Variants in SYT16 observed in about 807,000 individuals in gnomAD.
SYT16 encodes the protein synaptotagmin-16.
A neutral mutation model predicts 61.4 loss-of-function variants in SYT16; 42 were observed. The observed-to-expected ratio is 0.68, with a 90% CI of 0.53 to 0.89. The LOEUF (loss-of-function observed/expected upper bound fraction) is 0.89. SYT16 is among the 40% of genes least tolerant of loss of function. The pLI is 0.00. For synonymous variants in SYT16, 314 were observed against 302.3 expected (o/e 1.04, Z -0.40); for missense variants, 804 against 807.3 (o/e 1.00, Z 0.05).
chr14:62,083,677 TA>T (rs2056787207), intron 6 of SYT16, among the ~76,000 whole-genome samples: 1 of 152,204 alleles, frequency 6.6e-6, no homozygotes, highest in African/African-American at 2.4e-5. Flanking sequence ...TTAACAACCT[TA>T]AGCAGAACTA....
Position 62,084,297 on chromosome 14 carries a change from G to T in SYT16, c.1536G>T (p.Gly512=), listed in dbSNP as rs199778933. ...GAGGGGCGCCAGAGCTGTTGGTGGG[G>T]CTCTCGTACAATGCCACAACGGGGC... ...SHGGAPELLV[G]LSYNATTGRL... The change falls in exon 7 of 8, where the codon GGG becomes GGT. Residue 512 remains glycine (G), a synonymous_variant. Coordinates refer to ENST00000683842, the MANE Select transcript of SYT16 (RefSeq NM_001367656.1). The T allele has an allele frequency of 3.2e-4, 510 of 1,613,582 alleles. 7 individuals carry two copies. The Admixed American group carries it at 8.2e-3, about 26-fold the overall frequency.
chr14:61,915,964 A>G (rs1344042139), intron 1 of SYT16, among the ~76,000 whole-genome samples: 1 of 152,210 alleles, frequency 6.6e-6, no homozygotes, highest in Non-Finnish European at 1.5e-5. Context: ...AATTCAACCT[A>G]CATCTTGGAG....
chr14:62,091,270 G>A (rs1474178634), intron 7 of SYT16, among the ~76,000 whole-genome samples: 1 of 152,032 alleles, frequency 6.6e-6, no homozygotes, highest in Non-Finnish European at 1.5e-5. Context: ...CTGAGTGAAG[G>A]AAAAATAAAG....
At chr14:61,828,627 G>A (rs752068011) in intron 1 of SYT16, among the ~76,000 whole-genome samples, 1 of 152,206 alleles carries the variant, frequency 6.6e-6, no homozygotes, top group Non-Finnish European at 1.5e-5. Context: ...GGATCTGAAA[G>A]TGTGGTGCAG....
At chr14:62,100,329 C>A in intron 7 of SYT16, 65 bp from the exon 8 acceptor site, 1 of 1,384,428 alleles carries the variant, frequency 7.2e-7, no homozygotes, top group Non-Finnish European at 9.7e-7. Context: ...TACAGCTAGT[C>A]TAGCCAAACA....
intron 3 of SYT16, among the ~76,000 whole-genome samples, chr14:62,007,645 C>A (rs2053276677): frequency 6.6e-6 from 1 of 152,186 alleles, no homozygotes; most frequent in Middle Eastern, 3.4e-3. Flanking sequence ...CCTATGTGGA[C>A]AGAAGTTAGA....
At chr14:61,828,659 A>G (rs72716751) in intron 1 of SYT16, among the ~76,000 whole-genome samples, 18,457 of 152,232 alleles carry the variant, frequency 0.12, 1,143 homozygotes, top group African/African-American at 0.14. Flanking sequence ...ATGGAAAAGA[A>G]GAAAAACACA....
At chr14:61,887,652 T>C (rs2047960954) in intron 1 of SYT16, among the ~76,000 whole-genome samples, 1 of 152,258 alleles carries the variant, frequency 6.6e-6, no homozygotes, top group South Asian at 2.1e-4. Flanking sequence ...TTTTATATTA[T>C]GGAGATGGCT....
At chr14:61,845,619 G>C (rs2046424657) in intron 1 of SYT16, among the ~76,000 whole-genome samples, 1 of 151,814 alleles carries the variant, frequency 6.6e-6, no homozygotes, top group Non-Finnish European at 1.5e-5. Context: ...TCTGAATTTT[G>C]TTTAGCTTTT....
chr14:62,017,306 G>A (rs989338914), intron 3 of SYT16, among the ~76,000 whole-genome samples: 1 of 152,038 alleles, frequency 6.6e-6, no homozygotes, highest in Non-Finnish European at 1.5e-5. Flanking sequence ...AAATGTTACC[G>A]TGATCTGGGG....
rs1476173314 is a variant in SYT16, at chr14:61,906,754, C to T, written c.-324-63378C>T. ...CCATCCATCCATCCATCCATCCTTC[C>T]GTCCGTCCGTCAATCCATCCATCCG... is the stretch of plus-strand genomic sequence containing the variant. On this transcript the variant is annotated intron_variant, in intron 1 of 7. Transcript: ENST00000683842. Among the ~76,000 whole-genome samples the T allele has an allele frequency of 4.7e-5, 7 of 149,640 alleles. No homozygotes were observed. The East Asian group carries it at 6.0e-4, about 13-fold the overall frequency.
intron 3 of SYT16, among the ~76,000 whole-genome samples, chr14:62,021,025 G>T (rs1192158412): frequency 6.6e-6 from 1 of 152,120 alleles, no homozygotes; most frequent in East Asian, 1.9e-4. Context: ...GTTTTATTCT[G>T]TGTTGGAAAT....
chr14:62,085,913 C>T (rs1188541727), intron 7 of SYT16, among the ~76,000 whole-genome samples: 1 of 152,184 alleles, frequency 6.6e-6, no homozygotes, highest in Non-Finnish European at 1.5e-5. Context: ...ACTACTTTGC[C>T]TTCTGAACTT....
intron 3 of SYT16, among the ~76,000 whole-genome samples, chr14:62,014,683 C>G (rs1380728880): frequency 2.0e-5 from 3 of 152,124 alleles, no homozygotes; most frequent in African/African-American, 7.2e-5. Context: ...ATCCACCCGC[C>G]TTGGCTTCCC....
chr14:61,907,550 TCA>T (rs1217594669), intron 1 of SYT16, among the ~76,000 whole-genome samples: 5 of 152,180 alleles, frequency 3.3e-5, no homozygotes, highest in African/African-American at 1.2e-4. Flanking sequence ...GCAAGCAGAC[TCA>T]CACACATGGC....
At chr14:62,008,287 A>G (rs896802188) in intron 3 of SYT16, among the ~76,000 whole-genome samples, 1 of 152,048 alleles carries the variant, frequency 6.6e-6, no homozygotes, top group Non-Finnish European at 1.5e-5. Context: ...AAATGTGATT[A>G]TAAGTTCCTC....
At chr14:61,991,690 T>G (rs533172122) in intron 2 of SYT16, among the ~76,000 whole-genome samples, 3 of 152,322 alleles carry the variant, frequency 2.0e-5, no homozygotes, top group Admixed American at 1.3e-4. Context: ...AGATTTGGCT[T>G]CTTTCCAATT....
Position 62,084,300 on chromosome 14 carries a change from C to T in SYT16, c.1539C>T (p.Leu513=). ...HGGAPELLVG[L]SYNATTGRLS... ...GGGCGCCAGAGCTGTTGGTGGGGCT[C>T]TCGTACAATGCCACAACGGGGCGAT... Residue 513 remains leucine (L), a synonymous_variant, in exon 7 of 8, where the codon CTC becomes CTT. Transcript: ENST00000683842. 1.2e-6 allele frequency: 2 copies of T among 1,613,642 alleles called. No individual in the cohort carries two copies. The highest frequency in any genetic ancestry group is 1.3e-5 in the African/African-American group (1 of 75,000).
intron 3 of SYT16, among the ~76,000 whole-genome samples, chr14:62,050,671 T>C (rs2055236350): frequency 6.6e-6 from 1 of 152,222 alleles, no homozygotes; most frequent in African/African-American, 2.4e-5. Flanking sequence ...CCTTTCTGTT[T>C]GTTAGTTTTC....
Sources: gnomAD v4.1 joint callset for allele counts (sites outside exome capture counted in the v4.1 genomes callset) on GRCh38, gnomAD v4.1.1 for gene constraint, MANE v1.5 for transcripts, NCBI Gene and HGNC (gene_info 2026-07-23, HGNC 2026-07-21) for gene names.